Variants in ITIH6 observed in about 807,000 individuals in gnomAD.
ITIH6 encodes the protein inter-alpha-trypsin inhibitor heavy chain family member 6, also known as inter-alpha-trypsin inhibitor heavy chain H6.
A neutral mutation model predicts 58.2 loss-of-function variants in ITIH6; 60 were observed. The ratio of observed to expected loss-of-function variants is 1.03; its 90% confidence interval spans 0.84 to 1.28. The LOEUF (loss-of-function observed/expected upper bound fraction) is 1.28. Ranked by LOEUF, ITIH6 falls within the 50% of genes most tolerant of loss-of-function variation. The pLI, the probability that ITIH6 is intolerant of heterozygous loss-of-function variation, is 0.00. For synonymous variants in ITIH6, 493 were observed against 417.4 expected (o/e 1.18, Z -2.21); for missense variants, 1,290 against 1,021.1 (o/e 1.26, Z -3.59).
In ITIH6 at chrX:54,753,812, G is replaced by A. The variant is rs376970689; in HGVS notation, c.3239-48C>T. ...CTAAAGTTAAAGGAATAAATGGAAG[G>A]GAGAGGGAAAGAGAGAGGAGGGAAA... On this transcript the variant is annotated intron_variant, in intron 10 of 12. Coordinates refer to ENST00000218436, the MANE Select transcript of ITIH6 (RefSeq NM_198510.3). 4.4e-6 allele frequency: 5 copies of A among 1,129,039 alleles called. No homozygotes were observed. The African/African-American group carries it at 9.0e-5, about 20-fold the overall frequency. 93.0% of individuals were successfully genotyped at this position (1,129,039 alleles called of 1,213,427 possible). A position where few individuals can be genotyped will look rare whatever the true frequency, so the allele number is the denominator to read the frequency against.
Position 54,798,127 on chromosome X carries a change from G to C in ITIH6, c.84C>G (p.Pro28=), listed in dbSNP as rs757550917. Residue 28 remains proline, a synonymous_variant, in exon 1 of 13, where the codon CCC becomes CCG. Coordinates refer to ENST00000218436, the MANE Select transcript of ITIH6 (RefSeq NM_198510.3). ...AACTGACCTTTGTGCTTGATGAAGC[G>C]GGGACAGGGGGTCCCTGGTATGTCA... ...LELTYQGPPV[P]ASSSTKLLMT... is the part of the protein sequence containing the mutation. 1 of 1,183,801 alleles carries C rather than the reference G, an allele frequency of 8.4e-7. No individual in the cohort carries two copies. Among genetic ancestry groups the C allele is most frequent in the South Asian group, 1.9e-5 (1 of 52,834 alleles).
In ITIH6 at chrX:54,753,534, G is replaced by C. The variant is rs544917298; in HGVS notation, c.3352+117C>G. Reference sequence around the variant, plus strand: ...TCTTGGTGTGTTCTTGTGTGTTACCGTGTGTTAGTGAGGTGCATTGCTATG... The same window carrying C: ...TCTTGGTGTGTTCTTGTGTGTTACCCTGTGTTAGTGAGGTGCATTGCTATG... On this transcript the variant is annotated intron_variant, in intron 11 of 12. Coordinates refer to ENST00000218436, the MANE Select transcript of ITIH6 (RefSeq NM_198510.3). 6 of 487,646 alleles carry C rather than the reference G, an allele frequency of 1.2e-5. No individual in the cohort carries two copies. The Admixed American group carries it at 1.3e-4, about 10-fold the overall frequency. The allele number at this position is 487,646 out of a possible 1,213,427, so 40.2% of individuals were successfully genotyped here. A position where few individuals can be genotyped will look rare whatever the true frequency, so the allele number is the denominator to read the frequency against.
chrX:54,776,768 C>G (rs1331935871), intron 5 of ITIH6, among the ~76,000 whole-genome samples: 1 of 111,196 alleles, frequency 9.0e-6, no homozygotes, highest in East Asian at 2.8e-4. Context: ...AATGAAGAGC[C>G]CTTGGGCCCT....
At chrX:54,777,195 G>C (rs766569961) in intron 5 of ITIH6, among the ~76,000 whole-genome samples, 1 of 112,789 alleles carries the variant, frequency 8.9e-6, no homozygotes, top group East Asian at 2.8e-4. Context: ...TGGTGGCAAT[G>C]GCCATGAGGT....
rs1438040801 is a variant in ITIH6 at position 54,784,327 on chromosome X, A to G, written c.786+4153T>C. 1.6e-4 allele frequency among the ~76,000 whole-genome samples: 18 copies of G among 111,942 alleles called. No homozygotes were observed. In the Admixed American group the frequency reaches 1.6e-3, roughly 10 times the overall value. On this transcript the variant is annotated intron_variant, in intron 5 of 12. Coordinates refer to ENST00000218436, the MANE Select transcript of ITIH6 (RefSeq NM_198510.3). ...CCAATAAGCACAAGCAACCGTAGTA[A>G]AAGTGGACAAATGGGATCACATCAA... is the stretch of plus-strand genomic sequence containing the variant.
intron 5 of ITIH6, 82 bp downstream of exon 5, chrX:54,788,398 T>C: frequency 1.2e-6 from 1 of 860,237 alleles, no homozygotes; most frequent in Non-Finnish European, 1.7e-6. Context: ...GGGAAACTGG[T>C]GTGAACAGCT....
chrX:54,766,928 C>T (rs1928802986), intron 6 of ITIH6, among the ~76,000 whole-genome samples: 1 of 107,761 alleles, frequency 9.3e-6, no homozygotes, highest in Admixed American at 1.0e-4. Context: ...AGGATTCCCT[C>T]TTTTTCTATT....
intron 6 of ITIH6, among the ~76,000 whole-genome samples, chrX:54,765,785 G>C (rs1402995640): frequency 1.8e-5 from 2 of 109,187 alleles, no homozygotes; most frequent in Non-Finnish European, 3.8e-5. Flanking sequence ...TGCTGTTTTG[G>C]TTACTGTAGC....
intron 8 of ITIH6, among the ~76,000 whole-genome samples, chrX:54,755,631 A>G (rs754558564): frequency 1.8e-5 from 2 of 110,273 alleles, no homozygotes; most frequent in Non-Finnish European, 3.8e-5. Flanking sequence ...AAGGGGTAGG[A>G]CAAAGCAGGT....
At chrX:54,796,671 G>A (rs1171450609) in intron 2 of ITIH6, among the ~76,000 whole-genome samples, 8 of 93,276 alleles carry the variant, frequency 8.6e-5, no homozygotes, top group Admixed American at 3.6e-4. Context: ...GCAACAGAGC[G>A]AGACTCCATG....
At chrX:54,756,334 A>G (rs1164958744) in intron 8 of ITIH6, among the ~76,000 whole-genome samples, 2 of 111,541 alleles carry the variant, frequency 1.8e-5, no homozygotes, top group Non-Finnish European at 3.8e-5. Context: ...TAGCTGTGTG[A>G]CATTGAGAAA....
chrX:54,758,289 C>G lies in ITIH6; in HGVS notation c.1785G>C (p.Leu595=), dbSNP rs747234128. 1.2e-5 allele frequency: 14 copies of G among 1,210,010 alleles called. No individual in the cohort carries two copies. The Admixed American group carries it at 2.6e-4, about 23-fold the overall frequency. ...RHLLAAKVLN[L]SLEYNFVTPL... ...GTGTGACAAAGTTGTATTCAAGGGA[C>G]AGGTTGAGGACTTTGGCAGCCAGCA... The change falls in exon 8 of 13, where the codon CTG becomes CTC. Residue 595 remains leucine, a synonymous_variant. Transcript: ENST00000218436.
chrX:54,753,937 G>A lies in ITIH6; in HGVS notation c.3231C>T (p.Ser1077=). ...KGTLPSIFTF[S]SSVDGDPHFV... The stretch of plus-strand genomic sequence containing the variant: ...TGGGGGTGACTGGCTTACCTGAGGA[G>A]GAGAAGGTGAAGATGCTAGGCAATG... The change falls in exon 10 of 13, where the codon TCC becomes TCT. Residue 1077 remains serine, a synonymous_variant. Coordinates refer to ENST00000218436, the MANE Select transcript of ITIH6 (RefSeq NM_198510.3). The A allele has an allele frequency of 1.7e-6, 2 of 1,210,152 alleles. No homozygotes were observed. The highest frequency in any genetic ancestry group is 2.2e-6 in the Non-Finnish European group (2 of 894,582).
chrX:54,756,945 C>T lies in ITIH6; in HGVS notation c.3109+20G>A, dbSNP rs1306457638. On this transcript the variant is annotated intron_variant, in intron 8 of 12. Coordinates refer to ENST00000218436, the MANE Select transcript of ITIH6 (RefSeq NM_198510.3). ...TCATACCTCACCCTCATGGCTCGAC[C>T]TCTTACCCATGGCACTCACCATCTT... The T allele has an allele frequency of 1.8e-6, 2 of 1,082,906 alleles. No homozygotes were observed. The highest frequency in any genetic ancestry group is 2.1e-5 in the South Asian group (1 of 46,926). 89.2% of individuals were successfully genotyped at this position (1,082,906 alleles called of 1,213,427 possible). A position where few individuals can be genotyped will look rare whatever the true frequency, so the allele number is the denominator to read the frequency against.
chrX:54,779,568 C>A (rs1647617448), intron 5 of ITIH6, among the ~76,000 whole-genome samples: 1 of 109,437 alleles, frequency 9.1e-6, no homozygotes, highest in Non-Finnish European at 1.9e-5. Context: ...AAGTAAGAAA[C>A]TAAATCATAT....
At chrX:54,765,673 G>T (rs774088887) in intron 6 of ITIH6, among the ~76,000 whole-genome samples, 1 of 104,708 alleles carries the variant, frequency 9.6e-6, no homozygotes, top group Non-Finnish European at 1.9e-5. Context: ...GTGCAATCTC[G>T]GCTCACTGCA....
chrX:54,776,485 C>T (rs1226990142), intron 5 of ITIH6, among the ~76,000 whole-genome samples: 6 of 109,745 alleles, frequency 5.5e-5, no homozygotes, highest in African/African-American at 2.0e-4. Context: ...GTGCTAGCAT[C>T]ACCCCTCCTC....
chrX:54,759,266 T>C (rs982392930), intron 7 of ITIH6, among the ~76,000 whole-genome samples: 1 of 110,597 alleles, frequency 9.0e-6, no homozygotes, highest in Non-Finnish European at 1.9e-5. Flanking sequence ...AGGGGGGAGA[T>C]GTCTCATTCC....
chrX:54,770,120 C>A (rs745314705), intron 6 of ITIH6, among the ~76,000 whole-genome samples: 1 of 112,399 alleles, frequency 8.9e-6, no homozygotes, highest in African/African-American at 3.2e-5. Flanking sequence ...GCGCAATATT[C>A]GGGTGGGAGT....
Sources: allele counts gnomAD v4.1 joint callset (sites outside exome capture counted in the v4.1 genomes callset), GRCh38; gene constraint gnomAD v4.1.1; transcripts MANE v1.5; gene names NCBI Gene and HGNC (gene_info 2026-07-23, HGNC 2026-07-21).